GULP1: variants seen among roughly 807,000 people sequenced by gnomAD.
The protein encoded by GULP1 is GULP PTB domain containing engulfment adaptor 1.
A neutral mutation model predicts 40.9 loss-of-function variants in GULP1; 19 were observed. That is an observed-to-expected ratio of 0.46 (90% CI 0.32 to 0.68). The LOEUF is 0.68. GULP1 is among the 30% of genes least tolerant of loss of function. The pLI is 0.03. For missense variants in GULP1, 312 were observed against 362.2 expected, an observed-to-expected ratio of 0.86 and a Z score of 1.12; for synonymous variants, 119 against 117.6, an observed-to-expected ratio of 1.01 and a Z score of -0.08.
chr2:188,576,867 A>T (rs1700273545), intron 9 of GULP1, among the ~76,000 whole-genome samples: 1 of 151,978 alleles, frequency 6.6e-6, no homozygotes, highest in Non-Finnish European at 1.5e-5. Flanking sequence ...TTTGGTACTA[A>T]TTTTCTGGGA....
intron 4 of GULP1, among the ~76,000 whole-genome samples, chr2:188,512,413 T>C (rs775194966): frequency 1.1e-4 from 16 of 152,120 alleles, no homozygotes; most frequent in Non-Finnish European, 2.1e-4. Context: ...CTACATAAAA[T>C]TGGCATATTT....
intron 1 of GULP1, among the ~76,000 whole-genome samples, chr2:188,339,113 T>G (rs2042653579): frequency 6.6e-6 from 1 of 152,218 alleles, no homozygotes; most frequent in Non-Finnish European, 1.5e-5. Flanking sequence ...GCTTAATTTT[T>G]ACAAATAGAA....
chr2:188,537,962 T>A (rs942780306), intron 6 of GULP1, among the ~76,000 whole-genome samples: 5 of 152,094 alleles, frequency 3.3e-5, no homozygotes, highest in African/African-American at 1.2e-4. Context: ...GATTTTCTAG[T>A]TTGTGAGCTT....
chr2:188,334,521 CAAAG>C (rs1487845646), intron 1 of GULP1, among the ~76,000 whole-genome samples: 2 of 152,110 alleles, frequency 1.3e-5, no homozygotes, highest in Non-Finnish European at 2.9e-5. Flanking sequence ...AGTTTTAAAA[CAAAG>C]GAAGCCTTCT....
intron 2 of GULP1, among the ~76,000 whole-genome samples, chr2:188,405,883 A>T (rs1157595279): frequency 6.6e-6 from 1 of 152,244 alleles, no homozygotes; most frequent in African/African-American, 2.4e-5. Context: ...ACATCAACTC[A>T]TGCCACAAGG....
chr2:188,355,014 C>A (rs2045083141), intron 1 of GULP1, among the ~76,000 whole-genome samples: 1 of 152,098 alleles, frequency 6.6e-6, no homozygotes, highest in African/African-American at 2.4e-5. Context: ...TGAACCACAA[C>A]ATACCAAAAC....
intron 1 of GULP1, among the ~76,000 whole-genome samples, chr2:188,357,372 T>C (rs2045481794): frequency 6.6e-6 from 1 of 152,172 alleles, no homozygotes; most frequent in South Asian, 2.1e-4. Flanking sequence ...ATAATCCCTT[T>C]TTAAAATGGG....
intron 1 of GULP1, chr2:188,293,955 C>G (rs2034367254): frequency 6.6e-6 from 1 of 152,152 alleles, no homozygotes; most frequent in Non-Finnish European, 1.5e-5. Flanking sequence ...TAAGATCAGT[C>G]TTCTTGGCAA....
At chr2:188,540,425 T>G (rs1405816116) in intron 6 of GULP1, among the ~76,000 whole-genome samples, 1 of 71,540 alleles carries the variant, frequency 1.4e-5, no homozygotes, top group Non-Finnish European at 2.8e-5. Flanking sequence ...TTATAAGTTT[T>G]ATAATTTAAT....
At chr2:188,468,903 A>AGTGTT (rs2060354351) in intron 2 of GULP1, among the ~76,000 whole-genome samples, 1 of 152,166 alleles carries the variant, frequency 6.6e-6, no homozygotes, top group South Asian at 2.1e-4. Context: ...TAAGCAGTGA[A>AGTGTT]GTGTTTTGTT....
intron 9 of GULP1, among the ~76,000 whole-genome samples, chr2:188,578,438 T>C (rs1700595402): frequency 6.6e-6 from 1 of 151,636 alleles, no homozygotes; most frequent in Non-Finnish European, 1.5e-5. Context: ...AAAACCTAGA[T>C]GACAGGTTGA....
At chr2:188,433,944 C>A (rs1406565568) in intron 2 of GULP1, among the ~76,000 whole-genome samples, 1 of 136,886 alleles carries the variant, frequency 7.3e-6, no homozygotes, top group Non-Finnish European at 1.6e-5. Context: ...TTTTTTTTTT[C>A]ATTATAGGTA....
At chr2:188,405,696 C>T (rs975887985) in intron 2 of GULP1, among the ~76,000 whole-genome samples, 5 of 152,144 alleles carry the variant, frequency 3.3e-5, no homozygotes, top group African/African-American at 1.2e-4. Context: ...CCAGGTCTGC[C>T]CATTGCATTG....
intron 2 of GULP1, among the ~76,000 whole-genome samples, chr2:188,443,553 A>C (rs1258384441): frequency 2.0e-5 from 3 of 152,144 alleles, no homozygotes; most frequent in Non-Finnish European, 4.4e-5. Context: ...ATGGAGTTTC[A>C]CTCATCTAGA....
chr2:188,326,619 C>G (rs1338317512), intron 1 of GULP1, among the ~76,000 whole-genome samples: 2 of 152,062 alleles, frequency 1.3e-5, no homozygotes. Context: ...TCTATGTTGA[C>G]TATATTTGAT....
chr2:188,296,379 C>T (rs555979349), intron 1 of GULP1, among the ~76,000 whole-genome samples: 4 of 152,018 alleles, frequency 2.6e-5, no homozygotes, highest in Non-Finnish European at 4.4e-5. Context: ...TTGTTATTTG[C>T]GAGTTTTTTG....
At chr2:188,365,830 C>A (rs977862203) in intron 1 of GULP1, among the ~76,000 whole-genome samples, 1 of 152,078 alleles carries the variant, frequency 6.6e-6, no homozygotes, top group South Asian at 2.1e-4. Context: ...ATGTCAGAAA[C>A]CTTGAAGTGG....
chr2:188,591,749 TATAG>T (rs1207649519), intron 11 of GULP1: 1 of 151,630 alleles, frequency 6.6e-6, no homozygotes, highest in Non-Finnish European at 1.5e-5. Flanking sequence ...TTTAAAAATG[TATAG>T]ATAGAAAAAA....
At chr2:188,362,266 T>C (rs1437778072) in intron 1 of GULP1, among the ~76,000 whole-genome samples, 1 of 152,126 alleles carries the variant, frequency 6.6e-6, no homozygotes, top group East Asian at 1.9e-4. Context: ...AAATAAACAT[T>C]AATGTATTAA....
Sources: gnomAD v4.1 joint callset for allele counts (sites outside exome capture counted in the v4.1 genomes callset) on GRCh38, gnomAD v4.1.1 for gene constraint, MANE v1.5 for transcripts, NCBI Gene and HGNC (gene_info 2026-07-23, HGNC 2026-07-21) for gene names.